Variants in SUCLG2 observed in about 807,000 individuals in gnomAD.
SUCLG2 encodes succinate-CoA ligase GDP-forming subunit beta, also known as succinate--CoA ligase [GDP-forming] subunit beta, mitochondrial.
SUCLG2 carries 42 observed loss-of-function variants against 47.9 expected under a neutral mutation model. The observed-to-expected ratio is 0.88, with a 90% CI of 0.69 to 1.14. The LOEUF is 1.14. Among genes scored for constraint, SUCLG2 ranks in the 50% most tolerant of loss-of-function variants. The probability of loss-of-function intolerance (pLI) is 0.00; values close to 1 mark genes in which losing one functional copy is unlikely to be tolerated. For missense variants in SUCLG2, 571 were observed against 525.9 expected (o/e 1.09, Z -0.84); for synonymous variants, 195 against 197.3 (o/e 0.99, Z 0.10).
At chr3:67,472,331 G>A (rs528107141) in intron 9 of SUCLG2, among the ~76,000 whole-genome samples, 8 of 152,302 alleles carry the variant, frequency 5.3e-5, no homozygotes, top group African/African-American at 1.9e-4. Flanking sequence ...TGCTGGATGT[G>A]AATGAAGTCT....
At chr3:67,621,563 T>C (rs950162876) in intron 1 of SUCLG2, among the ~76,000 whole-genome samples, 1 of 152,152 alleles carries the variant, frequency 6.6e-6, no homozygotes, top group Non-Finnish European at 1.5e-5. Flanking sequence ...TAACAGGTAA[T>C]TGGGTTCTGA....
chr3:67,487,034 G>T (rs1705072026), intron 9 of SUCLG2, among the ~76,000 whole-genome samples: 1 of 152,046 alleles, frequency 6.6e-6, no homozygotes, highest in South Asian at 2.1e-4. Context: ...AATACTAAGA[G>T]AAAACAATGT....
At chr3:67,467,127 T>C (rs1280826368) in intron 9 of SUCLG2, among the ~76,000 whole-genome samples, 1 of 152,224 alleles carries the variant, frequency 6.6e-6, no homozygotes, top group Admixed American at 6.5e-5. Context: ...CTCTGGCCTA[T>C]AAAGTCTTCA....
intron 9 of SUCLG2, among the ~76,000 whole-genome samples, chr3:67,425,051 A>C (rs1345807963): frequency 1.3e-5 from 2 of 150,442 alleles, no homozygotes; most frequent in Admixed American, 1.3e-4. Flanking sequence ...CTTTAGCCAG[A>C]GAATCATTTT....
At chr3:67,483,307 G>A (rs937525239) in intron 9 of SUCLG2, among the ~76,000 whole-genome samples, 5 of 152,104 alleles carry the variant, frequency 3.3e-5, no homozygotes, top group Non-Finnish European at 7.3e-5. Flanking sequence ...ACAAGAGAAA[G>A]GAGGACAACT....
chr3:67,382,734 T>C (rs1023726557), intron 10 of SUCLG2, among the ~76,000 whole-genome samples: 19 of 152,192 alleles, frequency 1.2e-4, no homozygotes, highest in Non-Finnish European at 2.6e-4. Context: ...CGCTTTGCAA[T>C]GGGAGGAGTC....
At chr3:67,642,163 G>C (rs945042291) in intron 1 of SUCLG2, among the ~76,000 whole-genome samples, 5 of 152,114 alleles carry the variant, frequency 3.3e-5, no homozygotes, top group African/African-American at 1.2e-4. Flanking sequence ...TTCAACATAG[G>C]AATTTTGTGG....
intron 1 of SUCLG2, among the ~76,000 whole-genome samples, chr3:67,612,396 T>C (rs1374397630): frequency 2.7e-5 from 4 of 146,590 alleles, no homozygotes; most frequent in Non-Finnish European, 3.0e-5. Context: ...TACAGAAGTA[T>C]AATTTATGTT....
intron 9 of SUCLG2, among the ~76,000 whole-genome samples, chr3:67,485,173 G>A (rs1050852083): frequency 1.1e-4 from 16 of 152,158 alleles, no homozygotes; most frequent in Admixed American, 9.8e-4. Context: ...ATGACTTGCC[G>A]TTAATTCTGA....
intron 9 of SUCLG2, among the ~76,000 whole-genome samples, chr3:67,426,665 C>T (rs1361939056): frequency 6.6e-6 from 1 of 152,168 alleles, no homozygotes; most frequent in Non-Finnish European, 1.5e-5. Context: ...CGCAGTGGCT[C>T]ACACCTGTAA....
intron 2 of SUCLG2, among the ~76,000 whole-genome samples, chr3:67,568,275 G>GGAGAC (rs1707517440): frequency 6.6e-6 from 1 of 152,134 alleles, no homozygotes. Flanking sequence ...TGGGCCAAGT[G>GGAGAC]GAGACACCCA....
At position 67,498,165 on chromosome 3, in the gene SUCLG2, G is replaced by A. The variant is rs778312379; in HGVS notation, c.888C>T (p.Tyr296=). 2.5e-6 allele frequency: 4 copies of A among 1,612,940 alleles called. No individual in the cohort carries two copies. In the Admixed American group the frequency reaches 6.7e-5, roughly 27 times the overall value. The change falls in exon 8 of 11, where the codon TAC becomes TAT. Residue 296 remains tyrosine, a synonymous_variant. Transcript: ENST00000307227. The stretch of plus-strand genomic sequence containing the variant: ...AGGCAATGTTCCCATCTAGTCCTAT[G>A]TATTTTAGATCATATTTGGCAGCTT... The part of the protein sequence containing the change: ...ENEAAKYDLK[Y]IGLDGNIACF...
At chr3:67,360,633 C>T (rs1311975721) in exon 11 of SUCLG2, 2 of 1,507,028 alleles carry the variant, frequency 1.3e-6, no homozygotes, top group East Asian at 2.5e-5. Flanking sequence ...AAATCTTTAA[C>T]ATAAAAAAAT....
chr3:67,425,636 C>A (rs1703280249), intron 9 of SUCLG2, among the ~76,000 whole-genome samples: 2 of 152,202 alleles, frequency 1.3e-5, no homozygotes, highest in South Asian at 4.1e-4. Context: ...AGACTGGATG[C>A]TAAGCCATTG....
chr3:67,551,933 C>T (rs1707025248), intron 2 of SUCLG2, among the ~76,000 whole-genome samples: 1 of 152,182 alleles, frequency 6.6e-6, no homozygotes, highest in South Asian at 2.1e-4. Flanking sequence ...GAGCTGAAAC[C>T]TTATCCACAC....
In SUCLG2 at chr3:67,471,348, A is replaced by G. The variant is rs77594666; in HGVS notation, c.1062+24450T>C. Among the ~76,000 whole-genome samples, 438 of 152,310 alleles carry G rather than the reference A, an allele frequency of 2.9e-3. 4 individuals carry two copies. Among genetic ancestry groups the G allele is most frequent in the African/African-American group, 0.01 (422 of 41,568 alleles). ...CTCTATTATCAGCTGAGGTGAGAGC[A>G]TCCAAATCTTTGTAAGACAGAATAA... On this transcript the variant is annotated intron_variant, in intron 9 of 10. Transcript: ENST00000307227.
intron 2 of SUCLG2, among the ~76,000 whole-genome samples, chr3:67,534,769 A>C (rs1706493597): frequency 2.1e-5 from 1 of 48,762 alleles, no homozygotes; most frequent in Non-Finnish European, 3.5e-5. Context: ...CACTGATGGC[A>C]AAAAAAAAAA....
intron 9 of SUCLG2, among the ~76,000 whole-genome samples, chr3:67,486,905 C>T (rs1255919729): frequency 1.3e-5 from 2 of 152,130 alleles, no homozygotes; most frequent in Non-Finnish European, 2.9e-5. Context: ...CTGCACATTG[C>T]CTTGAATGAC....
chr3:67,534,907 G>A (rs1303058643), intron 2 of SUCLG2, among the ~76,000 whole-genome samples: 1 of 150,638 alleles, frequency 6.6e-6, no homozygotes, highest in Non-Finnish European at 1.5e-5. Context: ...GAAGCCACTT[G>A]AAGAAATGAC....
Sources: gnomAD v4.1 joint callset for allele counts (sites outside exome capture counted in the v4.1 genomes callset) on GRCh38, gnomAD v4.1.1 for gene constraint, MANE v1.5 for transcripts, NCBI Gene and HGNC (gene_info 2026-07-23, HGNC 2026-07-21) for gene names.